The following ARFGEF3 variants were observed in gnomAD, a reference collection of about 807,000 sequenced individuals.
The protein encoded by ARFGEF3 is brefeldin A-inhibited guanine nucleotide-exchange protein 3.
ARFGEF3 carries 96 observed loss-of-function variants against 221.7 expected under a neutral mutation model. The ratio of observed to expected loss-of-function variants is 0.43; its 90% CI spans 0.37 to 0.51. ARFGEF3 has a LOEUF of 0.51. ARFGEF3 is among the 20% of genes least tolerant of loss of function. The probability of loss-of-function intolerance (pLI) is 0.00; values close to 1 mark genes in which losing one functional copy is unlikely to be tolerated. For synonymous variants in ARFGEF3, 1,145 were observed against 1,126.8 expected (o/e 1.02, Z -0.32); for missense variants, 2,410 against 2,789.9 (o/e 0.86, Z 3.07).
chr6:138,312,125 C>T (rs190543235), intron 25 of ARFGEF3, among the ~76,000 whole-genome samples: 6 of 152,008 alleles, frequency 3.9e-5, no homozygotes, highest in East Asian at 1.9e-4. Context: ...CATTGCACTC[C>T]GGCCTGGGTG....
chr6:138,260,101 A>G (rs1391689093), intron 10 of ARFGEF3, among the ~76,000 whole-genome samples: 1 of 152,154 alleles, frequency 6.6e-6, no homozygotes, highest in Non-Finnish European at 1.5e-5. Context: ...ACGGGGCTGC[A>G]GGCCTGTAGA....
rs1344906959 is a variant in ARFGEF3 at position 138,340,210 on chromosome 6, A to G, written c.*3724A>G. The G allele has an allele frequency of 1.3e-5, 2 of 152,268 alleles. No individual in the cohort carries two copies. Among genetic ancestry groups the G allele is most frequent in the African/African-American group, 4.8e-5 (2 of 41,472 alleles). The allele number at this position is 152,268 out of a possible 1,614,324, so 9.4% of individuals were successfully genotyped here. A position where few individuals can be genotyped will look rare whatever the true frequency, so the allele number is the denominator to read the frequency against. On this transcript the variant is annotated 3_prime_UTR_variant, in exon 34 of 34. Transcript: ENST00000251691. ...GTTCTGCAGCATGGGTGACAAAGTG[A>G]GACTTCGTCTCAAGTAAATAAAACT...
intron 2 of ARFGEF3, among the ~76,000 whole-genome samples, chr6:138,187,948 T>C (rs570269150): frequency 6.6e-6 from 1 of 152,026 alleles, no homozygotes; most frequent in Non-Finnish European, 1.5e-5. Context: ...TGAGTGTGTG[T>C]GGGGGGGTTT....
chr6:138,240,802 A>AT (rs962989996), intron 6 of ARFGEF3, among the ~76,000 whole-genome samples: 19 of 152,040 alleles, frequency 1.2e-4, no homozygotes, highest in Non-Finnish European at 2.1e-4. Context: ...GAATTTACGT[A>AT]TTTTTTTTAA....
At chr6:138,192,870 G>A (rs1777335112) in intron 2 of ARFGEF3, among the ~76,000 whole-genome samples, 1 of 152,190 alleles carries the variant, frequency 6.6e-6, no homozygotes, top group Admixed American at 6.5e-5. Context: ...GGTTGCCATT[G>A]TCAGGGCCTG....
At chr6:138,272,765 C>T (rs569175996) in intron 12 of ARFGEF3, among the ~76,000 whole-genome samples, 4 of 152,318 alleles carry the variant, frequency 2.6e-5, no homozygotes, top group Admixed American at 1.3e-4. Context: ...TAATGCCCAG[C>T]GTTGCTGAGA....
chr6:138,238,430 T>C, intron 5 of ARFGEF3, 79 bp from the exon 6 acceptor site: 2 of 1,481,454 alleles, frequency 1.4e-6, no homozygotes, highest in Non-Finnish European at 1.8e-6. Context: ...TTTGATATCC[T>C]CTCTGGTCAA....
intron 2 of ARFGEF3, among the ~76,000 whole-genome samples, chr6:138,194,282 A>G (rs1474967779): frequency 6.6e-6 from 1 of 152,016 alleles, no homozygotes; most frequent in African/African-American, 2.4e-5. Context: ...AAAAAAAAAA[A>G]AAAAGATAGT....
intron 10 of ARFGEF3, among the ~76,000 whole-genome samples, chr6:138,259,068 C>T (rs1778739827): frequency 6.6e-6 from 1 of 152,174 alleles, no homozygotes; most frequent in Non-Finnish European, 1.5e-5. Flanking sequence ...CACGTCCAGG[C>T]GGTGCTGCCC....
At chr6:138,179,933 C>T (rs1219021761) in intron 2 of ARFGEF3, among the ~76,000 whole-genome samples, 2 of 152,158 alleles carry the variant, frequency 1.3e-5, no homozygotes, top group South Asian at 2.1e-4. Flanking sequence ...CCTCAGCCTC[C>T]CAAGTAGCTA....
chr6:138,270,217 G>T (rs866894557), intron 12 of ARFGEF3, among the ~76,000 whole-genome samples: 9 of 152,132 alleles, frequency 5.9e-5, no homozygotes, highest in African/African-American at 1.9e-4. Flanking sequence ...AGAAGAAAAT[G>T]GTTTTATATA....
At chr6:138,325,138 T>C (rs555992348) in intron 31 of ARFGEF3, among the ~76,000 whole-genome samples, 1 of 152,354 alleles carries the variant, frequency 6.6e-6, no homozygotes, top group East Asian at 1.9e-4. Context: ...AAACAAGTTT[T>C]ATGAATGTAA....
At chr6:138,320,986 T>C in intron 28 of ARFGEF3, 125 bp from the exon 29 acceptor site, 3 of 629,526 alleles carry the variant, frequency 4.8e-6, no homozygotes, top group Non-Finnish European at 8.3e-6. Context: ...TTTCTCATTG[T>C]TCTATTTCTT....
chr6:138,215,032 C>G (rs1777812926), intron 4 of ARFGEF3, among the ~76,000 whole-genome samples: 1 of 152,184 alleles, frequency 6.6e-6, no homozygotes, highest in African/African-American at 2.4e-5. Context: ...GATTAGTAGA[C>G]TATTGAATAT....
intron 4 of ARFGEF3, among the ~76,000 whole-genome samples, chr6:138,229,064 G>A (rs1322665584): frequency 1.3e-5 from 2 of 152,238 alleles, no homozygotes; most frequent in African/African-American, 4.8e-5. Flanking sequence ...TCTTGCAAAT[G>A]TCATTGACCT....
At chr6:138,308,965 A>C (rs1779777047) in intron 24 of ARFGEF3, 104 bp downstream of exon 24, 1 of 1,359,880 alleles carries the variant, frequency 7.4e-7, no homozygotes, top group Non-Finnish European at 1.0e-6. Context: ...ACAAGCACGC[A>C]TCCTGGGGTA....
intron 2 of ARFGEF3, among the ~76,000 whole-genome samples, chr6:138,182,142 G>T (rs1221067155): frequency 6.6e-6 from 1 of 152,150 alleles, no homozygotes; most frequent in Non-Finnish European, 1.5e-5. Flanking sequence ...GAGGTTGGAG[G>T]GGCTATGTAG....
In ARFGEF3 at chr6:138,328,049, C is replaced by A; in HGVS notation, c.5030C>A (p.Pro1677Gln). 1 of 1,555,366 alleles carries A rather than the reference C, an allele frequency of 6.4e-7. No individual in the cohort carries two copies. The highest frequency in any genetic ancestry group is 8.7e-7 in the Non-Finnish European group (1 of 1,148,680). The change falls in exon 32 of 34, where the codon CCA becomes CAA. Residue 1677 changes from proline to glutamine, a missense_variant. By Grantham distance (76) the Pro-to-Gln change is moderately conservative. This residue lies in a region of ARFGEF3 where 723 missense variants were observed against 991.9 expected (regional missense o/e 0.73). Transcript: ENST00000251691. The stretch of plus-strand genomic sequence containing the variant: ...TTTATGCTGGACACCCAGTGCTCAC[C>A]AAAGACACCAAACAACTTTGACCAC... Reference protein sequence around the residue: ...QVFMLDTQCSPKTPNNFDHAQ... With the variant: ...QVFMLDTQCSQKTPNNFDHAQ...
chr6:138,203,833 G>A (rs112148851), intron 2 of ARFGEF3, among the ~76,000 whole-genome samples: 18 of 152,044 alleles, frequency 1.2e-4, no homozygotes, highest in Middle Eastern at 3.4e-3. Flanking sequence ...AGTAGAGACG[G>A]GGTTTCACCA....
Sources: gnomAD v4.1 joint callset for allele counts (sites outside exome capture counted in the v4.1 genomes callset) on GRCh38, gnomAD v4.1.1 for gene constraint, gnomAD v4.1.1 regional missense constraint, MANE v1.5 for transcripts, NCBI Gene and HGNC (gene_info 2026-07-23, HGNC 2026-07-21) for gene names.